The following PMFBP1 variants were observed in gnomAD, a reference collection of about 807,000 sequenced individuals.
PMFBP1 encodes the protein polyamine modulated factor 1 binding protein 1.
PMFBP1 carries 131 observed loss-of-function variants against 137.8 expected under a neutral mutation model. The ratio of observed to expected loss-of-function variants is 0.95; its 90% CI spans 0.82 to 1.10. PMFBP1 has a LOEUF of 1.10. Ranked by LOEUF, PMFBP1 falls within the 50% of genes least tolerant of loss-of-function variation. The pLI, the probability that PMFBP1 is intolerant of heterozygous loss-of-function variation, is 0.00. For synonymous variants in PMFBP1, 490 were observed against 450.4 expected (o/e 1.09, Z -1.11); for missense variants, 1,199 against 1,175.4 (o/e 1.02, Z -0.29).
At chr16:72,170,498 T>C (rs2043205868) in intron 2 of PMFBP1, among the ~76,000 whole-genome samples, 2 of 152,176 alleles carry the variant, frequency 1.3e-5, no homozygotes, top group African/African-American at 2.4e-5. Context: ...GGTGTGATCA[T>C]GGCTCACTGC....
intron 7 of PMFBP1, among the ~76,000 whole-genome samples, chr16:72,137,956 C>T (rs2042658129): frequency 6.6e-6 from 1 of 152,056 alleles, no homozygotes; most frequent in African/African-American, 2.4e-5. Context: ...GCCACACTTG[C>T]CGAGGGGAGG....
the PMFBP1 span, among the ~76,000 whole-genome samples, chr16:72,213,700 A>T: frequency 6.6e-6 from 1 of 152,254 alleles, no homozygotes; most frequent in South Asian, 2.1e-4. Flanking sequence ...CATTGTTTTA[A>T]GCTGCAATGT....
At chr16:72,202,457 C>T in the PMFBP1 span, among the ~76,000 whole-genome samples, 3 of 152,174 alleles carry the variant, frequency 2.0e-5, no homozygotes, top group Non-Finnish European at 4.4e-5. Flanking sequence ...GGATTACAGG[C>T]GTGAGCCACT....
chr16:72,137,379 CTT>C (rs901162626), intron 7 of PMFBP1, among the ~76,000 whole-genome samples: 17 of 152,004 alleles, frequency 1.1e-4, no homozygotes, highest in Non-Finnish European at 1.6e-4. Context: ...TAAGTAGTGA[CTT>C]ATAGAAAATG....
At chr16:72,155,039 A>C (rs1319787330) in intron 3 of PMFBP1, among the ~76,000 whole-genome samples, 1 of 151,526 alleles carries the variant, frequency 6.6e-6, no homozygotes, top group Non-Finnish European at 1.5e-5. Context: ...GTGTGTGTGT[A>C]TGTGTGTGTG....
At chr16:72,187,539 A>G in the PMFBP1 span, among the ~76,000 whole-genome samples, 10 of 152,196 alleles carry the variant, frequency 6.6e-5, no homozygotes, top group Admixed American at 1.3e-4. Context: ...GGGAGTGGTG[A>G]GACTTCTTAT....
In PMFBP1 at chr16:72,129,146, T is replaced by C. The variant is rs190448119; in HGVS notation, c.1870A>G (p.Lys624Glu). ...AGCTTCTCATGCTCTTTGCTCTTCTTCAACTGCTCCCGTTTGTCCTCCAGA... is the reference window on the plus strand; with the variant it reads ...AGCTTCTCATGCTCTTTGCTCTTCTCCAACTGCTCCCGTTTGTCCTCCAGA... ...KLLEDKREQL[K>E]KSKEHEKLME... The change falls in exon 13 of 21, where the codon AAG becomes GAG. Residue 624 changes from lysine to glutamate, a missense_variant. Transcript: ENST00000237353. 1.2e-6 allele frequency: 2 copies of C among 1,614,244 alleles called. No homozygotes were observed. The highest frequency in any genetic ancestry group is 3.3e-5 in the Admixed American group (2 of 60,032).
At chr16:72,248,103 T>G in the PMFBP1 span, among the ~76,000 whole-genome samples, 1 of 152,154 alleles carries the variant, frequency 6.6e-6, no homozygotes, top group East Asian at 1.9e-4. Flanking sequence ...CTGGAAGTGT[T>G]CTAAAGTGAT....
chr16:72,187,133 AAAAAATAAT>A, the PMFBP1 span, among the ~76,000 whole-genome samples: 1 of 151,922 alleles, frequency 6.6e-6, no homozygotes, highest in Non-Finnish European at 1.5e-5. Flanking sequence ...AAAATAAATA[AAAAAATAAT>A]AAAAGCAAGC....
chr16:72,196,043 GAGAC>G, the PMFBP1 span, among the ~76,000 whole-genome samples: 7 of 152,154 alleles, frequency 4.6e-5, no homozygotes, highest in East Asian at 1.9e-4. Context: ...AAGAGAGAGA[GAGAC>G]AGACAGAGAG....
the PMFBP1 span, among the ~76,000 whole-genome samples, chr16:72,222,345 C>T: frequency 6.6e-6 from 1 of 152,194 alleles, no homozygotes; most frequent in African/African-American, 2.4e-5. Flanking sequence ...TTTCAGGTCA[C>T]TGTATTTTCC....
the PMFBP1 span, among the ~76,000 whole-genome samples, chr16:72,204,190 A>AT: frequency 0.25 from 34,852 of 140,120 alleles, 7,828 homozygotes; most frequent in African/African-American, 0.61. Context: ...ACTCATGCGC[A>AT]TTTTTTTTTT....
chr16:72,182,593 A>C, the PMFBP1 span, among the ~76,000 whole-genome samples: 1 of 152,124 alleles, frequency 6.6e-6, no homozygotes, highest in African/African-American at 2.4e-5. Context: ...AACAGAGACT[A>C]TAAATATGAA....
Position 72,125,397 on chromosome 16 carries a change from G to C in PMFBP1, c.2262C>G (p.His754Gln). Residue 754 changes from histidine to glutamine, a missense_variant, in exon 16 of 21, where the codon CAC (histidine) becomes CAG (glutamine). Coordinates refer to ENST00000237353, the MANE Select transcript of PMFBP1 (RefSeq NM_031293.3). ...DLTQALEKLN[H>Q]VTSETKSLQQ... is the part of the protein sequence containing the mutation. ...GCAGGCTCTTTGTCTCTGAGGTCAC[G>C]TGATTGAGCTTCCGGAAAAGACAAA... is the stretch of plus-strand genomic sequence containing the variant. 6.2e-7 allele frequency: 1 copy of C among 1,608,830 alleles called. No homozygotes were observed. Among genetic ancestry groups the C allele is most frequent in the Non-Finnish European group, 8.5e-7 (1 of 1,178,702 alleles).
chr16:72,171,229 C>T lies in PMFBP1; in HGVS notation c.-21G>A, dbSNP rs769733069. The T allele has an allele frequency of 2.5e-6, 4 of 1,613,518 alleles. No homozygotes were observed. In the South Asian group the frequency reaches 4.4e-5, roughly 18 times the overall value. ...TTCATTTCCTTGGCAGCTCTCAATTCTCCTTTAACCTTTAGTATTTTCTGA... is the reference window on the plus strand; with the variant it reads ...TTCATTTCCTTGGCAGCTCTCAATTTTCCTTTAACCTTTAGTATTTTCTGA... On this transcript the variant is annotated 5_prime_UTR_variant, in exon 2 of 21. Coordinates refer to ENST00000237353, the MANE Select transcript of PMFBP1 (RefSeq NM_031293.3).
chr16:72,192,665 ATCAGGAGATCAAGACCATCCCACG>A, the PMFBP1 span, among the ~76,000 whole-genome samples: 1 of 152,118 alleles, frequency 6.6e-6, no homozygotes, highest in Non-Finnish European at 1.5e-5. Flanking sequence ...AGGCAGGCAG[ATCAGGAGATCAAGACCATCCCACG>A]TCAGGAGATC....
the PMFBP1 span, among the ~76,000 whole-genome samples, chr16:72,240,495 G>A: frequency 6.6e-6 from 1 of 152,242 alleles, no homozygotes; most frequent in Non-Finnish European, 1.5e-5. Flanking sequence ...ATGTTCGTTA[G>A]CATTTTGGTT....
At chr16:72,180,572 G>A (rs534167009), upstream of PMFBP1, among the ~76,000 whole-genome samples, 8 of 151,936 alleles carry the variant, frequency 5.3e-5, no homozygotes, top group Non-Finnish European at 7.4e-5. Flanking sequence ...ATTCATCCAC[G>A]CCCTTTCTAC....
Position 72,132,734 on chromosome 16 carries a change from T to G in PMFBP1, c.1447+14A>C. 1 of 1,614,102 alleles carries G rather than the reference T, an allele frequency of 6.2e-7. No individual in the cohort carries two copies. Among genetic ancestry groups the G allele is most frequent in the Non-Finnish European group, 8.5e-7 (1 of 1,179,984 alleles). ...CAGAAAAGTGTGGTGGGACAGCACC[T>G]GCAGGGGCCTCACCAGCCAGCCTCT... On this transcript the variant is annotated intron_variant, in intron 10 of 20. Transcript: ENST00000237353.
Sources: gnomAD v4.1 joint callset for allele counts (sites outside exome capture counted in the v4.1 genomes callset) on GRCh38, gnomAD v4.1.1 for gene constraint, MANE v1.5 for transcripts, NCBI Gene and HGNC (gene_info 2026-07-23, HGNC 2026-07-21) for gene names.